Variants in KALRN observed in about 807,000 individuals in gnomAD.
KALRN encodes kalirin RhoGEF kinase.
Under a neutral mutation model 353.7 loss-of-function variants are expected in KALRN, and 70 were observed. The ratio of observed to expected loss-of-function variants is 0.20; its 90% CI spans 0.16 to 0.24. The LOEUF is 0.24. Among genes scored for constraint, KALRN ranks in the 10% least tolerant of loss-of-function variants. The probability of loss-of-function intolerance (pLI) is 1.00; values close to 1 mark genes in which losing one functional copy is unlikely to be tolerated. For missense variants in KALRN, 2,791 were observed against 3,756.7 expected, an observed-to-expected ratio of 0.74 and a Z score of 6.72; for synonymous variants, 1,391 against 1,434.8, an observed-to-expected ratio of 0.97 and a Z score of 0.69.
intron 1 of KALRN, among the ~76,000 whole-genome samples, chr3:124,062,575 C>CT (rs5852382): frequency 0.95 from 144,821 of 152,218 alleles, 69,328 homozygotes; most frequent in East Asian, 1. Context: ...CATCTTTAAC[C>CT]CTGCATTAGA....
chr3:124,626,326 C>T (rs1002920075), intron 34 of KALRN, among the ~76,000 whole-genome samples: 35 of 152,098 alleles, frequency 2.3e-4, no homozygotes, highest in Non-Finnish European at 4.6e-4. Context: ...AGTAGGATTG[C>T]AACTGGGCAA....
At chr3:124,503,786 A>G (rs1001478158) in intron 33 of KALRN, among the ~76,000 whole-genome samples, 2 of 152,238 alleles carry the variant, frequency 1.3e-5, no homozygotes, top group Non-Finnish European at 2.9e-5. Flanking sequence ...AAATTTCTTC[A>G]AATAAATGAC....
In KALRN at chr3:124,267,426, A is replaced by G. The variant is rs747824271; in HGVS notation, c.457-1317A>G. Among the ~76,000 whole-genome samples, 59 of 152,234 alleles carry G rather than the reference A, an allele frequency of 3.9e-4. 1 individual carries two copies. Among genetic ancestry groups the G allele is most frequent in the Non-Finnish European group, 1.5e-4 (10 of 68,042 alleles). On this transcript the variant is annotated intron_variant, in intron 4 of 59. Coordinates refer to ENST00000682506, the MANE Select transcript of KALRN (RefSeq NM_001388419.1). ...TGCCAATACTGCTGGTCTGAGAGCT[A>G]TGCTTTGAGTAGCAAGGATGGAGAT...
intron 11 of KALRN, among the ~76,000 whole-genome samples, chr3:124,387,247 G>A (rs968433956): frequency 3.3e-5 from 5 of 152,134 alleles, no homozygotes; most frequent in Admixed American, 2.0e-4. Context: ...GGTCGTGTTT[G>A]AACCTGAGAC....
At chr3:124,369,965 AG>A (rs1413758671) in intron 10 of KALRN, among the ~76,000 whole-genome samples, 1 of 152,236 alleles carries the variant, frequency 6.6e-6, no homozygotes, top group East Asian at 1.9e-4. Context: ...ATTGCTGAAT[AG>A]TACTCCATTT....
intron 33 of KALRN, among the ~76,000 whole-genome samples, chr3:124,514,184 A>G (rs1017546310): frequency 2.0e-5 from 3 of 152,182 alleles, no homozygotes; most frequent in African/African-American, 4.8e-5. Context: ...CTGGTTTGAA[A>G]CCTGAGGTGG....
At chr3:124,645,873 C>T (rs2082652306) in intron 37 of KALRN, among the ~76,000 whole-genome samples, 1 of 149,824 alleles carries the variant, frequency 6.7e-6, no homozygotes, top group African/African-American at 2.5e-5. Context: ...ATTTGGGAAC[C>T]TCCCTACTGT....
intron 3 of KALRN, among the ~76,000 whole-genome samples, chr3:124,256,499 A>G (rs537814490): frequency 7.2e-5 from 11 of 152,316 alleles, no homozygotes; most frequent in Non-Finnish European, 1.5e-4. Flanking sequence ...CAAAGACATA[A>G]AAACTTTACA....
intron 1 of KALRN, among the ~76,000 whole-genome samples, chr3:124,159,935 A>G (rs1373575697): frequency 1.3e-5 from 2 of 151,954 alleles, no homozygotes; most frequent in African/African-American, 2.4e-5. Flanking sequence ...GATGATGAGC[A>G]GGATTGAGAT....
chr3:124,347,062 G>C, intron 9 of KALRN, 81 bp from the exon 10 acceptor site: 1 of 1,597,080 alleles, frequency 6.3e-7, no homozygotes, highest in South Asian at 1.1e-5. Flanking sequence ...GGGGTGGTTA[G>C]GACTCTAGCA....
chr3:124,395,135 T>A lies in KALRN; in HGVS notation c.1963T>A (p.Leu655Met), dbSNP rs2089992924. 6.2e-7 allele frequency: 1 copy of A among 1,611,714 alleles called. No individual in the cohort carries two copies. The highest frequency in any genetic ancestry group is 2.2e-5 in the East Asian group (1 of 44,820). ...SVSFHTHTKE[L>M]WTWMEDLQKE... ...TGGAATCTCTGCTCTCTCTCTACAG[T>A]TGTGGACATGGATGGAAGACCTTCA... The change falls in exon 12 of 60, where the codon TTG (leucine) becomes ATG (methionine). Residue 655 changes from leucine (L) to methionine (M), a missense_variant and splice_region_variant. Around this residue, in one of 11 missense-constraint regions of KALRN, gnomAD observed 452 missense variants for 575.8 expected, o/e 0.78. Coordinates refer to ENST00000682506, the MANE Select transcript of KALRN (RefSeq NM_001388419.1).
intron 33 of KALRN, among the ~76,000 whole-genome samples, chr3:124,534,271 T>C (rs569114023): frequency 6.6e-6 from 1 of 152,280 alleles, no homozygotes; most frequent in Non-Finnish European, 1.5e-5. Flanking sequence ...TTGGTTCATT[T>C]ATCAGAAAAC....
intron 34 of KALRN, among the ~76,000 whole-genome samples, chr3:124,613,437 G>A (rs1397277726): frequency 6.6e-6 from 1 of 152,214 alleles, no homozygotes; most frequent in Non-Finnish European, 1.5e-5. Context: ...CTGCTAGTAA[G>A]TCTCAGGATT....
intron 3 of KALRN, among the ~76,000 whole-genome samples, chr3:124,251,883 C>A (rs761556703): frequency 6.6e-6 from 1 of 152,148 alleles, no homozygotes; most frequent in Admixed American, 6.5e-5. Flanking sequence ...AAAGAGAAAC[C>A]ACCACATCCC....
At chr3:124,662,349 C>T (rs911113864) in intron 45 of KALRN, among the ~76,000 whole-genome samples, 1 of 151,832 alleles carries the variant, frequency 6.6e-6, no homozygotes, top group African/African-American at 2.4e-5. Flanking sequence ...ACTCCAGTCA[C>T]ACACCACCAT....
At chr3:124,310,970 T>A (rs184103270) in intron 6 of KALRN, among the ~76,000 whole-genome samples, 13 of 149,146 alleles carry the variant, frequency 8.7e-5, no homozygotes, top group Admixed American at 1.3e-4. Context: ...ATTTCTTCAA[T>A]AATATATACA....
intron 33 of KALRN, among the ~76,000 whole-genome samples, chr3:124,540,109 C>T (rs1348143937): frequency 3.9e-5 from 6 of 152,112 alleles, no homozygotes; most frequent in Middle Eastern, 3.4e-3. Context: ...TTTTATGAGA[C>T]AGGGTTTTGC....
chr3:124,505,076 G>A (rs1176989779), intron 33 of KALRN: 1 of 454,654 alleles, frequency 2.2e-6, no homozygotes, highest in Admixed American at 2.4e-5. Context: ...TCAGGGCAAG[G>A]ATTTTACTGG....
chr3:124,124,402 A>G (rs2064387150), intron 1 of KALRN, among the ~76,000 whole-genome samples: 1 of 152,230 alleles, frequency 6.6e-6, no homozygotes. Flanking sequence ...TCCTATGATG[A>G]GCAAAGAAAG....
Sources: allele counts gnomAD v4.1 joint callset (sites outside exome capture counted in the v4.1 genomes callset), GRCh38; gene constraint gnomAD v4.1.1; regional missense constraint gnomAD v4.1.1; transcripts MANE v1.5; gene names NCBI Gene and HGNC (gene_info 2026-07-23, HGNC 2026-07-21).